MAMLD1: variants seen among roughly 807,000 people sequenced by gnomAD.
MAMLD1 encodes mastermind-like domain-containing protein 1.
A neutral mutation model predicts 45.0 loss-of-function variants in MAMLD1; 14 were observed. The observed-to-expected ratio is 0.31, with a 90% CI of 0.21 to 0.49. The LOEUF (loss-of-function observed/expected upper bound fraction) is 0.49, where lower values mean the gene tolerates loss of function less well. Ranked by LOEUF, MAMLD1 falls within the 20% of genes least tolerant of loss-of-function variation. The pLI, the probability that MAMLD1 is intolerant of heterozygous loss-of-function variation, is 0.99. For missense variants in MAMLD1, 543 were observed against 603.6 expected (o/e 0.90, Z 1.05); for synonymous variants, 254 against 247.8 (o/e 1.02, Z -0.24).
At chrX:150,369,380 A>C (rs1413065551) in intron 1 of MAMLD1, among the ~76,000 whole-genome samples, 1 of 112,563 alleles carries the variant, frequency 8.9e-6, no homozygotes, top group African/African-American at 3.2e-5. Context: ...TGAAACATCA[A>C]GTTCAACCTT....
At chrX:150,481,344 A>C (rs1442957868) in intron 5 of MAMLD1, among the ~76,000 whole-genome samples, 1 of 112,684 alleles carries the variant, frequency 8.9e-6, no homozygotes, top group African/African-American at 3.2e-5. Context: ...GGTTATTATA[A>C]ACACATACAC....
intron 5 of MAMLD1, among the ~76,000 whole-genome samples, chrX:150,481,874 G>A (rs1199044808): frequency 1.1e-5 from 1 of 92,498 alleles, no homozygotes; most frequent in Non-Finnish European, 2.2e-5. Flanking sequence ...AAGAAAGAAA[G>A]AAAAAGAAAG....
chrX:150,415,817 T>C (rs1374556988), intron 1 of MAMLD1, among the ~76,000 whole-genome samples: 1 of 112,477 alleles, frequency 8.9e-6, no homozygotes, highest in East Asian at 2.8e-4. Flanking sequence ...TGGAGTTAAA[T>C]ATTTATCCTT....
Position 150,471,229 on chromosome X carries a change from G to A in MAMLD1, c.1656G>A (p.Pro552=), listed in dbSNP as rs1460185195. The change falls in exon 4 of 8, where the codon CCG becomes CCA. Residue 552 remains proline, a synonymous_variant. Transcript: ENST00000370401. ...CCTTGTCCCATTTTGTTTCTGAGCC[G>A]GGTCCCCAGAAGATGCCCTCCATGC... is the stretch of plus-strand genomic sequence containing the variant. ...TKPLSHFVSE[P]GPQKMPSMPT... is the part of the protein sequence containing the mutation. 1.6e-5 allele frequency: 19 copies of A among 1,209,753 alleles called. No homozygotes were observed. In the East Asian group the frequency reaches 3.3e-4, roughly 21 times the overall value.
intron 1 of MAMLD1, among the ~76,000 whole-genome samples, chrX:150,373,417 G>A (rs2032131394): frequency 9.1e-6 from 1 of 110,438 alleles, no homozygotes; most frequent in South Asian, 3.9e-4. Context: ...TTAGCCATTT[G>A]AGTTCTCATC....
In MAMLD1 at chrX:150,470,757, G is replaced by A. The variant is rs781820454; in HGVS notation, c.1184G>A (p.Ser395Asn). The A allele has an allele frequency of 5.8e-6, 7 of 1,211,996 alleles. No individual in the cohort carries two copies. Among genetic ancestry groups the A allele is most frequent in the South Asian group, 3.5e-5 (2 of 57,039 alleles). ...NALLSSMTSS[S>N]NAALGPAMPY... ...TTACTGTCAAGCATGACGTCCAGCA[G>A]CAATGCTGCCCTGGGGCCCGCCATG... The change falls in exon 4 of 8, where the codon AGC becomes AAC. Residue 395 changes from serine (S) to asparagine (N), a missense_variant. Coordinates refer to ENST00000370401, the MANE Select transcript of MAMLD1 (RefSeq NM_005491.5).
At chrX:150,454,588 G>A (rs1557405224) in intron 2 of MAMLD1, among the ~76,000 whole-genome samples, 1 of 111,817 alleles carries the variant, frequency 8.9e-6, no homozygotes, top group East Asian at 2.8e-4. Flanking sequence ...ACTGTTTTGA[G>A]GTTTCTGTTA....
chrX:150,388,675 A>G (rs1387966856), intron 1 of MAMLD1, among the ~76,000 whole-genome samples: 2 of 111,911 alleles, frequency 1.8e-5, no homozygotes, highest in Non-Finnish European at 3.8e-5. Context: ...GATCTGTGAT[A>G]TTCTCTGCTT....
At chrX:150,498,338 C>A (rs782689220) in intron 5 of MAMLD1, among the ~76,000 whole-genome samples, 1 of 111,804 alleles carries the variant, frequency 8.9e-6, no homozygotes, top group South Asian at 3.8e-4. Flanking sequence ...GTCCTCTTAA[C>A]CTTTACCACT....
At chrX:150,382,897 T>TA (rs2032709991) in intron 1 of MAMLD1, among the ~76,000 whole-genome samples, 1 of 19,857 alleles carries the variant, frequency 5.0e-5, no homozygotes. Context: ...TTTTTTTTTT[T>TA]TTTATTTTTT....
At chrX:150,375,764 C>CT (rs2032285330) in intron 1 of MAMLD1, among the ~76,000 whole-genome samples, 1 of 27,451 alleles carries the variant, frequency 3.6e-5, no homozygotes, top group East Asian at 5.1e-4. Flanking sequence ...CCATCCTTGG[C>CT]AGAGCATCTC....
chrX:150,367,065 G>T, intron 1 of MAMLD1, among the ~76,000 whole-genome samples: 1 of 73,859 alleles, frequency 1.4e-5, no homozygotes, highest in Non-Finnish European at 2.4e-5. Flanking sequence ...CAATGTGTTG[G>T]GGTGGGGGGT....
At chrX:150,404,224 A>T (rs781970922) in intron 1 of MAMLD1, among the ~76,000 whole-genome samples, 1 of 111,972 alleles carries the variant, frequency 8.9e-6, no homozygotes, top group East Asian at 2.8e-4. Flanking sequence ...AAGGGTAAGG[A>T]GGCAAGGTCC....
Position 150,513,606 on chromosome X carries a change from A to G in MAMLD1, c.*1647A>G, listed in dbSNP as rs142387607. The G allele has an allele frequency of 6.3e-4, 188 of 297,317 alleles. No homozygotes were observed. The highest frequency in any genetic ancestry group is 4.5e-3 in the African/African-American group (165 of 36,530). 24.5% of individuals were successfully genotyped at this position (297,317 alleles called of 1,213,427 possible). On this transcript the variant is annotated 3_prime_UTR_variant, in exon 8 of 8. Coordinates refer to ENST00000370401, the MANE Select transcript of MAMLD1 (RefSeq NM_005491.5). ...GTGTGATTCTTAATCTCTTTTGCGA[A>G]CCTTTCAGTCTCCGCTAGCTCTTTC...
chrX:150,485,239 G>A (rs1050584510), intron 5 of MAMLD1, among the ~76,000 whole-genome samples: 3 of 111,224 alleles, frequency 2.7e-5, no homozygotes, highest in African/African-American at 9.8e-5. Context: ...GGTTCCTGAA[G>A]GCTAAGCATT....
At chrX:150,501,739 G>A (rs2037560054) in intron 5 of MAMLD1, among the ~76,000 whole-genome samples, 1 of 112,083 alleles carries the variant, frequency 8.9e-6, no homozygotes, top group Non-Finnish European at 1.9e-5. Flanking sequence ...AATTTGTCCG[G>A]AGGTCCACAC....
rs5970317 is a variant in MAMLD1 at position 150,503,525 on chromosome X, A to T, written c.2284+8A>T. ...CTAGCTGCGACGCCACAGGTAAGTC[A>T]CTTCCCCCTGAGCCTCGCTTTCCTC... On this transcript the variant is annotated splice_region_variant and intron_variant, in intron 6 of 7. Transcript: ENST00000370401. The T allele has an allele frequency of 1.5e-3, 1,523 of 1,020,948 alleles. 18 individuals are homozygous for T. The African/African-American group carries it at 0.025, about 17-fold the overall frequency. The allele number at this position is 1,020,948 out of a possible 1,213,427, so 84.1% of individuals were successfully genotyped here.
chrX:150,440,847 A>T (rs1228210582), intron 1 of MAMLD1, among the ~76,000 whole-genome samples: 1 of 105,099 alleles, frequency 9.5e-6, no homozygotes, highest in Non-Finnish European at 1.9e-5. Flanking sequence ...TATTAATATT[A>T]AATTATTATT....
At chrX:150,403,417 T>C (rs1218119493) in intron 1 of MAMLD1, among the ~76,000 whole-genome samples, 5 of 112,014 alleles carry the variant, frequency 4.5e-5, no homozygotes, top group African/African-American at 1.6e-4. Context: ...ATGTACTAAA[T>C]GGCACTGAAT....
Sources: allele counts gnomAD v4.1 joint callset (sites outside exome capture counted in the v4.1 genomes callset), GRCh38; gene constraint gnomAD v4.1.1; transcripts MANE v1.5; gene names NCBI Gene and HGNC (gene_info 2026-07-23, HGNC 2026-07-21).